The following GREB1L variants were observed in gnomAD, a reference collection of about 807,000 sequenced individuals.
The protein encoded by GREB1L is GREB1 like retinoic acid receptor coactivator.
A neutral mutation model predicts 200.8 loss-of-function variants in GREB1L; 17 were observed. That is an observed-to-expected ratio of 0.08 (90% CI 0.06 to 0.13). The LOEUF (loss-of-function observed/expected upper bound fraction) is 0.13. GREB1L is among the 10% of genes least tolerant of loss of function. The pLI is 1.00. For synonymous variants in GREB1L, 789 were observed against 893.0 expected (o/e 0.88, Z 2.08); for missense variants, 1,657 against 2,367.7 (o/e 0.70, Z 6.23).
At chr18:21,428,500 T>C (rs1386838841) in intron 7 of GREB1L, among the ~76,000 whole-genome samples, 22 of 151,392 alleles carry the variant, frequency 1.5e-4, no homozygotes, top group African/African-American at 5.3e-4. Context: ...TTTACCTGTG[T>C]CTCTTGAGAT....
intron 4 of GREB1L, among the ~76,000 whole-genome samples, chr18:21,393,755 G>A (rs1180614131): frequency 3.3e-5 from 5 of 152,006 alleles, no homozygotes; most frequent in African/African-American, 1.2e-4. Flanking sequence ...ATAGAGAAGG[G>A]TTTCACCATG....
intron 7 of GREB1L, among the ~76,000 whole-genome samples, chr18:21,430,994 TTTTA>T (rs59970232): frequency 0.67 from 94,647 of 140,792 alleles, 33,486 homozygotes; most frequent in East Asian, 0.8. Context: ...TTTTCATTTA[TTTTA>T]TTTATTTATT....
chr18:21,491,984 C>T (rs373607902), intron 19 of GREB1L, among the ~76,000 whole-genome samples: 1 of 152,106 alleles, frequency 6.6e-6, no homozygotes, highest in South Asian at 2.1e-4. Flanking sequence ...ACTCCGGAAA[C>T]GCTTCTTACA....
chr18:21,260,567 C>T (rs996485852), intron 1 of GREB1L, among the ~76,000 whole-genome samples: 2 of 151,908 alleles, frequency 1.3e-5, no homozygotes, highest in Non-Finnish European at 2.9e-5. Flanking sequence ...TGCAAAGGAC[C>T]ATTTGTTCCG....
Position 21,500,604 on chromosome 18 carries a change from T to A in GREB1L, c.4034T>A (p.Leu1345Gln), listed in dbSNP as rs573619672. 6 of 1,551,246 alleles carry A rather than the reference T, an allele frequency of 3.9e-6. No homozygotes were observed. The highest frequency in any genetic ancestry group is 4.4e-6 in the Non-Finnish European group (5 of 1,146,944). The change falls in exon 23 of 33, where the codon CTG becomes CAG. Residue 1345 changes from leucine (L) to glutamine (Q), a missense_variant. Physicochemically the swap from Leu to Gln is moderately radical, Grantham distance 113. Coordinates refer to ENST00000424526, the MANE Select transcript of GREB1L (RefSeq NM_001142966.3). ...CTCTTCCGCATGCTCATCAGGCTCC[T>A]GGAGGTGGACGTGTATGATGAGGAG... ...RILFRMLIRL[L>Q]EVDVYDEEEI...
intron 1 of GREB1L, among the ~76,000 whole-genome samples, chr18:21,256,994 G>A (rs1340373450): frequency 1.6e-5 from 2 of 121,564 alleles, no homozygotes; most frequent in African/African-American, 6.4e-5. Flanking sequence ...GACAGAGTGA[G>A]ACTCCGTCTC....
chr18:21,278,159 C>G (rs1009720968), intron 1 of GREB1L, among the ~76,000 whole-genome samples: 6 of 152,092 alleles, frequency 3.9e-5, no homozygotes, highest in Non-Finnish European at 8.8e-5. Context: ...GCGGGTGGAT[C>G]ACCTGAAGTC....
At chr18:21,503,067 G>T (rs545273108) in intron 23 of GREB1L, among the ~76,000 whole-genome samples, 1 of 152,180 alleles carries the variant, frequency 6.6e-6, no homozygotes, top group South Asian at 2.1e-4. Context: ...TTAGTTCAGG[G>T]ATATAAAAAT....
chr18:21,505,188 G>C (rs2036963597), intron 23 of GREB1L, among the ~76,000 whole-genome samples: 1 of 152,208 alleles, frequency 6.6e-6, no homozygotes, highest in Admixed American at 6.5e-5. Flanking sequence ...CAGAGTTTGT[G>C]AATTGGGTCT....
At chr18:21,522,158 CTTACT>C (rs1465781480) in intron 32 of GREB1L, among the ~76,000 whole-genome samples, 1 of 151,838 alleles carries the variant, frequency 6.6e-6, no homozygotes, top group Non-Finnish European at 1.5e-5. Context: ...TGGAAGATTA[CTTACT>C]TTATACTCTT....
At chr18:21,339,238 T>C (rs1362891735) in intron 1 of GREB1L, among the ~76,000 whole-genome samples, 1 of 151,652 alleles carries the variant, frequency 6.6e-6, no homozygotes, top group African/African-American at 2.4e-5. Context: ...AAAAGGCACA[T>C]AGTGGAGTCA....
chr18:21,499,452 GA>G (rs2036683926), intron 21 of GREB1L, among the ~76,000 whole-genome samples: 2 of 152,190 alleles, frequency 1.3e-5, no homozygotes, highest in South Asian at 4.1e-4. Context: ...CCACAGTAGA[GA>G]AAGGTGGTTC....
intron 1 of GREB1L, among the ~76,000 whole-genome samples, chr18:21,259,028 C>T (rs191309401): frequency 3.9e-5 from 6 of 152,190 alleles, no homozygotes; most frequent in Admixed American, 1.3e-4. Flanking sequence ...ATGGACAAGA[C>T]GTCCAAAATC....
chr18:21,410,392 A>AT (rs904421818), intron 7 of GREB1L, among the ~76,000 whole-genome samples: 4 of 152,128 alleles, frequency 2.6e-5, no homozygotes, highest in Non-Finnish European at 5.9e-5. Flanking sequence ...ACGGTGGCTC[A>AT]TGCCTGTAAT....
chr18:21,433,241 G>A (rs777471409), intron 7 of GREB1L, among the ~76,000 whole-genome samples: 17 of 152,074 alleles, frequency 1.1e-4, no homozygotes, highest in Non-Finnish European at 2.2e-4. Flanking sequence ...ACTATGGATT[G>A]TTGTTTATAT....
chr18:21,370,811 G>A, intron 2 of GREB1L, among the ~76,000 whole-genome samples: 1 of 152,178 alleles, frequency 6.6e-6, no homozygotes, highest in East Asian at 1.9e-4. Context: ...GGGCGCAGTG[G>A]CTCACGCCTA....
chr18:21,389,706 T>C (rs1404325646), intron 4 of GREB1L, among the ~76,000 whole-genome samples: 1 of 152,202 alleles, frequency 6.6e-6, no homozygotes, highest in East Asian at 1.9e-4. Flanking sequence ...AGTCTCCCTT[T>C]TGCAATGTAT....
chr18:21,512,683 CAGTATTATGTTAAA>C (rs1004535360), intron 27 of GREB1L, among the ~76,000 whole-genome samples: 1 of 151,770 alleles, frequency 6.6e-6, no homozygotes, highest in Non-Finnish European at 1.5e-5. Context: ...CCGTGACTTC[CAGTATTATGTTAAA>C]TAGAAATGGT....
Position 21,513,867 on chromosome 18 carries a change from A to G in GREB1L, c.4782A>G (p.Glu1594=), listed in dbSNP as rs1185259662. ...LIKELSYHNL[E]LERNRLEELG... is the part of the protein sequence containing the mutation. ...AGGAGCTATCATATCACAACCTAGA[A>G]TTGGAGAGAAACCGCCTGGAGGAGC... is the stretch of plus-strand genomic sequence containing the variant. The change falls in exon 28 of 33, where the codon GAA becomes GAG. Residue 1594 remains glutamate (E), a synonymous_variant. Coordinates refer to ENST00000424526, the MANE Select transcript of GREB1L (RefSeq NM_001142966.3). The G allele has an allele frequency of 1.9e-6, 3 of 1,551,662 alleles. No homozygotes were observed.
Sources: allele counts gnomAD v4.1 joint callset (sites outside exome capture counted in the v4.1 genomes callset), GRCh38; gene constraint gnomAD v4.1.1; transcripts MANE v1.5; gene names NCBI Gene and HGNC (gene_info 2026-07-23, HGNC 2026-07-21).